The following AVEN variants were observed in gnomAD, a reference collection of about 807,000 sequenced individuals.
AVEN encodes cell death regulator Aven.
AVEN carries 41 observed loss-of-function variants against 38.1 expected under a neutral mutation model. The ratio of observed to expected loss-of-function variants is 1.08; its 90% CI spans 0.84 to 1.40. AVEN has a LOEUF of 1.40. Among genes scored for constraint, AVEN ranks in the 40% most tolerant of loss-of-function variants. The pLI, the probability that AVEN is intolerant of heterozygous loss-of-function variation, is 0.00. For missense variants in AVEN, 605 were observed against 438.8 expected, an observed-to-expected ratio of 1.38 and a Z score of -3.38; for synonymous variants, 206 against 171.8, an observed-to-expected ratio of 1.20 and a Z score of -1.56.
chr15:33,926,315 A>G (rs910590397), intron 2 of AVEN, among the ~76,000 whole-genome samples: 1 of 152,172 alleles, frequency 6.6e-6, no homozygotes, highest in Non-Finnish European at 1.5e-5. Context: ...AAGTAGGGAA[A>G]ACAAAATACA....
At chr15:34,057,448 G>C (rs1452208464) in intron 5 of AVEN, among the ~76,000 whole-genome samples, 1 of 152,042 alleles carries the variant, frequency 6.6e-6, no homozygotes, top group East Asian at 1.9e-4. Flanking sequence ...AGCCAGAATA[G>C]TCATTTTGAT....
intron 2 of AVEN, among the ~76,000 whole-genome samples, chr15:33,931,159 G>T (rs971895601): frequency 6.6e-6 from 1 of 151,902 alleles, no homozygotes; most frequent in Non-Finnish European, 1.5e-5. Flanking sequence ...ATTATCTATA[G>T]TCTAAATTAG....
intron 2 of AVEN, among the ~76,000 whole-genome samples, chr15:33,952,260 G>A (rs1036513508): frequency 6.6e-6 from 1 of 152,122 alleles, no homozygotes; most frequent in Non-Finnish European, 1.5e-5. Flanking sequence ...ATCACTCCAG[G>A]TTCAAAGGTA....
intron 1 of AVEN, among the ~76,000 whole-genome samples, chr15:34,073,735 G>T (rs1157039736): frequency 6.6e-6 from 1 of 150,678 alleles, no homozygotes; most frequent in Non-Finnish European, 1.5e-5. Flanking sequence ...TGGCCAGGCT[G>T]GTCTTGAACT....
intron 1 of AVEN, among the ~76,000 whole-genome samples, chr15:34,030,176 C>G (rs959417723): frequency 6.6e-6 from 1 of 151,562 alleles, no homozygotes; most frequent in African/African-American, 2.4e-5. Flanking sequence ...ATCTCTTGAA[C>G]CCAGAAGGCA....
At chr15:34,059,076 T>C (rs1401681907) in intron 5 of AVEN, among the ~76,000 whole-genome samples, 2 of 149,506 alleles carry the variant, frequency 1.3e-5, no homozygotes, top group Non-Finnish European at 2.9e-5. Flanking sequence ...TTTGCATTTT[T>C]AGTAGAGACA....
chr15:33,915,999 C>T (rs1156487033), intron 2 of AVEN, among the ~76,000 whole-genome samples: 2 of 152,156 alleles, frequency 1.3e-5, no homozygotes, highest in African/African-American at 4.8e-5. Flanking sequence ...ACACCTCCAC[C>T]CCCACAGCAG....
intron 1 of AVEN, among the ~76,000 whole-genome samples, chr15:34,071,789 A>G (rs1900631532): frequency 6.6e-6 from 1 of 152,038 alleles, no homozygotes; most frequent in African/African-American, 2.4e-5. Flanking sequence ...TTGGAGGACT[A>G]CTCTTTCTCC....
At position 33,992,951 on chromosome 15, in the gene AVEN, G is replaced by A. The variant is rs1896791043; in HGVS notation, c.445+10081C>T. On this transcript the variant is annotated intron_variant, in intron 2 of 5. Transcript: ENST00000306730. Reference sequence around the variant, plus strand: ...AGACAACAACTATACTGACCAAACTGCAGTCTGGTTATTTCGTTTTTATTT... The same window carrying A: ...AGACAACAACTATACTGACCAAACTACAGTCTGGTTATTTCGTTTTTATTT... Among the ~76,000 whole-genome samples, 3 of 152,164 alleles carry A rather than the reference G, an allele frequency of 2.0e-5. No homozygotes were observed. In the South Asian group the frequency reaches 6.2e-4, roughly 32 times the overall value.
At chr15:34,014,784 G>A (rs749207557) in intron 1 of AVEN, among the ~76,000 whole-genome samples, 1 of 152,206 alleles carries the variant, frequency 6.6e-6, no homozygotes, top group Non-Finnish European at 1.5e-5. Context: ...AGCTAAGGCT[G>A]AAGGAGCTGA....
At position 33,950,168 on chromosome 15, in the gene AVEN, C is replaced by T. The variant is rs118175437; in HGVS notation, c.445+52864G>A. On this transcript the variant is annotated intron_variant, in intron 2 of 5. Transcript: ENST00000306730. ...ATATGTGGACTAAGAGTCAAATCCA[C>T]AGAAGCAGAGAGTAGAACAGTGGTT... is the stretch of plus-strand genomic sequence containing the variant. Among the ~76,000 whole-genome samples the T allele has an allele frequency of 3.0e-3, 463 of 152,258 alleles. 3 individuals are homozygous for T. The highest frequency in any genetic ancestry group is 5.6e-3 in the Non-Finnish European group (380 of 68,010).
chr15:34,067,644 CA>C (rs1221727323), intron 2 of AVEN, among the ~76,000 whole-genome samples: 1 of 152,144 alleles, frequency 6.6e-6, no homozygotes, highest in African/African-American at 2.4e-5. Flanking sequence ...TCTAAGTTAC[CA>C]ATGACCAAAC....
chr15:33,857,906 A>G (rs1000224467), downstream of AVEN: 2 of 1,614,004 alleles, frequency 1.2e-6, no homozygotes, highest in South Asian at 1.1e-5. Context: ...GTGCGACGAC[A>G]TGATGACGGT....
At chr15:34,016,375 T>C (rs1000384685) in intron 1 of AVEN, among the ~76,000 whole-genome samples, 2 of 152,252 alleles carry the variant, frequency 1.3e-5, no homozygotes, top group East Asian at 1.9e-4. Flanking sequence ...ACAATACTAA[T>C]AGACACTGAG....
chr15:33,864,854 T>TAAGTA (rs775918074), downstream of AVEN: 75 of 373,654 alleles, frequency 2.0e-4, no homozygotes, highest in Non-Finnish European at 3.2e-4. Context: ...GCTAAATCTT[T>TAAGTA]AAGTATGTTT....
At chr15:34,004,842 CAG>C (rs1240248905) in intron 1 of AVEN, among the ~76,000 whole-genome samples, 1 of 151,790 alleles carries the variant, frequency 6.6e-6, no homozygotes, top group African/African-American at 2.4e-5. Flanking sequence ...ATTTTTAAAA[CAG>C]AGATGCATGT....
intron 2 of AVEN, among the ~76,000 whole-genome samples, chr15:33,951,705 G>C (rs1278027881): frequency 6.6e-6 from 1 of 151,944 alleles, no homozygotes; most frequent in Non-Finnish European, 1.5e-5. Context: ...AGGCAAATAA[G>C]GTAGAAGATG....
At chr15:33,916,578 T>C (rs1309923142) in intron 2 of AVEN, among the ~76,000 whole-genome samples, 1 of 151,854 alleles carries the variant, frequency 6.6e-6, no homozygotes, top group Non-Finnish European at 1.5e-5. Flanking sequence ...CCAAAACACA[T>C]ATGAAAAAAT....
intron 2 of AVEN, among the ~76,000 whole-genome samples, chr15:33,990,529 G>T (rs1446432699): frequency 1.3e-5 from 2 of 152,180 alleles, no homozygotes; most frequent in Non-Finnish European, 2.9e-5. Flanking sequence ...ATTCACTAAC[G>T]TTCTCTCATT....
Sources: allele counts gnomAD v4.1 joint callset (sites outside exome capture counted in the v4.1 genomes callset), GRCh38; gene constraint gnomAD v4.1.1; transcripts MANE v1.5; gene names NCBI Gene and HGNC (gene_info 2026-07-23, HGNC 2026-07-21).